The following TENM3 variants were observed in gnomAD, a reference collection of about 807,000 sequenced individuals.
TENM3 encodes the protein teneurin transmembrane protein 3, also known as teneurin-3.
A neutral mutation model predicts 255.1 loss-of-function variants in TENM3; 63 were observed. That is an observed-to-expected ratio of 0.25 (90% CI 0.20 to 0.30). TENM3 has a LOEUF of 0.30. Among genes scored for constraint, TENM3 ranks in the 10% least tolerant of loss-of-function variants. TENM3 has a pLI of 1.00. For synonymous variants in TENM3, 1,306 were observed against 1,322.3 expected, an observed-to-expected ratio of 0.99 and a Z score of 0.27; for missense variants, 2,929 against 3,461.1, an observed-to-expected ratio of 0.85 and a Z score of 3.86.
At chr4:182,777,511 A>ATGTGTGTG (rs150202066) in intron 24 of TENM3, among the ~76,000 whole-genome samples, 2,317 of 99,846 alleles carry the variant, frequency 0.023, 56 homozygotes, top group Admixed American at 0.086. Flanking sequence ...TAATGTGTTT[A>ATGTGTGTG]TGTGTGTGTG....
At chr4:182,226,441 G>A (rs1257001206) in intron 1 of TENM3, among the ~76,000 whole-genome samples, 1 of 152,070 alleles carries the variant, frequency 6.6e-6, no homozygotes. Flanking sequence ...TGCCCAAATA[G>A]GCTTCTTTAA....
intron 3 of TENM3, among the ~76,000 whole-genome samples, chr4:182,415,424 T>C (rs1325411404): frequency 6.6e-6 from 1 of 152,186 alleles, no homozygotes; most frequent in East Asian, 1.9e-4. Context: ...TGCTCTGAAA[T>C]TGGAAAGAGG....
At chr4:182,328,209 G>A (rs1459041237) in intron 2 of TENM3, among the ~76,000 whole-genome samples, 1 of 151,484 alleles carries the variant, frequency 6.6e-6, no homozygotes, top group Non-Finnish European at 1.5e-5. Flanking sequence ...GAAGGACTCT[G>A]TTTTTTGTTT....
chr4:181,480,381 A>G, the TENM3 span, among the ~76,000 whole-genome samples: 4 of 152,154 alleles, frequency 2.6e-5, no homozygotes, highest in Admixed American at 2.6e-4. Context: ...AAGTTACACA[A>G]GGTTAAAATC....
chr4:182,696,735 C>A (rs1454795272), intron 12 of TENM3, among the ~76,000 whole-genome samples: 5 of 151,282 alleles, frequency 3.3e-5, no homozygotes, highest in African/African-American at 9.7e-5. Flanking sequence ...AAAAAAAAAA[C>A]AAAAATGCAT....
chr4:182,354,618 G>T (rs1047435719), intron 3 of TENM3, among the ~76,000 whole-genome samples: 3 of 152,058 alleles, frequency 2.0e-5, no homozygotes, highest in Non-Finnish European at 2.9e-5. Flanking sequence ...TTTTATACAT[G>T]ATTATCTTGT....
intron 1 of TENM3, among the ~76,000 whole-genome samples, chr4:182,176,218 T>C (rs1197986267): frequency 1.3e-5 from 2 of 152,100 alleles, no homozygotes; most frequent in African/African-American, 4.8e-5. Flanking sequence ...TGAATGAATA[T>C]ATAAATGGCA....
At chr4:182,040,034 GAGGGC>G in the TENM3 span, among the ~76,000 whole-genome samples, 33 of 18,236 alleles carry the variant, frequency 1.8e-3, no homozygotes, top group African/African-American at 0.011. Flanking sequence ...CAGGGGAGGG[GAGGGC>G]AGAAGAGGGC....
At chr4:182,277,355 GGTT>G (rs1194582736) in intron 1 of TENM3, among the ~76,000 whole-genome samples, 1 of 151,750 alleles carries the variant, frequency 6.6e-6, no homozygotes, top group African/African-American at 2.4e-5. Flanking sequence ...GGGGGGTGGG[GGTT>G]GTTGTTTTTT....
intron 1 of TENM3, among the ~76,000 whole-genome samples, chr4:182,163,224 G>A (rs1478400380): frequency 1.3e-5 from 2 of 151,982 alleles, no homozygotes; most frequent in Non-Finnish European, 2.9e-5. Flanking sequence ...TTCTAACTGG[G>A]CCTCCTGCCA....
chr4:182,648,468 A>G (rs77586642), intron 5 of TENM3, among the ~76,000 whole-genome samples: 2,419 of 152,042 alleles, frequency 0.016, 73 homozygotes, highest in African/African-American at 0.055. Context: ...TTTAGTAGAG[A>G]CTGGGTTTTG....
At chr4:182,414,605 T>G (rs1302005224) in intron 3 of TENM3, among the ~76,000 whole-genome samples, 1 of 152,216 alleles carries the variant, frequency 6.6e-6, no homozygotes, top group African/African-American at 2.4e-5. Context: ...AGCAATGGAT[T>G]GAAGTAAATC....
At position 182,621,687 on chromosome 4, in the gene TENM3, AAT is replaced by A. The variant is rs1750199673; in HGVS notation, c.750-6957_750-6956del. On this transcript the variant is annotated intron_variant, in intron 4 of 27. Transcript: ENST00000511685. ...TATGTATTATATATATAAAATATAT[AAT>A]ATATATTATATATAAAATATATAAT... Among the ~76,000 whole-genome samples, 5 of 12,134 alleles carry A rather than the reference AAT, an allele frequency of 4.1e-4. 1 individual carries two copies. The highest frequency in any genetic ancestry group is 0.016 in the South Asian group (2 of 124). 8.0% of individuals were successfully genotyped at this position (12,134 alleles called of 152,430 possible). A position where few individuals can be genotyped will look rare whatever the true frequency, so the allele number is the denominator to read the frequency against.
the TENM3 span, among the ~76,000 whole-genome samples, chr4:181,641,550 GTGTGTATATATATATATATATA>G: frequency 1.2e-3 from 58 of 49,042 alleles, 1 homozygote; most frequent in South Asian, 5.6e-3. Flanking sequence ...TCCATGGTGT[GTGTGTATATATATATATATATA>G]TATATATATA....
At chr4:182,326,272 A>G (rs1561324059) in intron 2 of TENM3, among the ~76,000 whole-genome samples, 1 of 152,200 alleles carries the variant, frequency 6.6e-6, no homozygotes, top group Non-Finnish European at 1.5e-5. Context: ...CGTGCTGGTC[A>G]GTGCGCTAGG....
intron 3 of TENM3, among the ~76,000 whole-genome samples, chr4:182,466,785 G>A (rs559958335): frequency 2.0e-5 from 3 of 151,106 alleles, no homozygotes; most frequent in Non-Finnish European, 4.4e-5. Flanking sequence ...TTGAGGGCAC[G>A]CTTTCCAACT....
the TENM3 span, among the ~76,000 whole-genome samples, chr4:181,642,367 G>A: frequency 3.3e-5 from 5 of 151,968 alleles, no homozygotes; most frequent in Non-Finnish European, 5.9e-5. Context: ...GATTCTGGAT[G>A]TTATCCCTTT....
intron 4 of TENM3, among the ~76,000 whole-genome samples, chr4:182,619,890 T>C (rs1467463953): frequency 6.6e-6 from 1 of 152,176 alleles, no homozygotes; most frequent in African/African-American, 2.4e-5. Context: ...GAACAAAAGG[T>C]GTGCTCTGTG....
At chr4:182,175,403 GT>G (rs373561890) in intron 1 of TENM3, among the ~76,000 whole-genome samples, 3 of 151,396 alleles carry the variant, frequency 2.0e-5, no homozygotes, top group Non-Finnish European at 2.9e-5. Flanking sequence ...TTTGCAAGCT[GT>G]TTTTTCAGTG....
Sources: allele counts gnomAD v4.1 joint callset (sites outside exome capture counted in the v4.1 genomes callset), GRCh38; gene constraint gnomAD v4.1.1; transcripts MANE v1.5; gene names NCBI Gene and HGNC (gene_info 2026-07-23, HGNC 2026-07-21).